Variants in ME3 observed in about 807,000 individuals in gnomAD.
The protein encoded by ME3 is NADP-dependent malic enzyme, mitochondrial.
ME3 carries 48 observed loss-of-function variants against 68.9 expected under a neutral mutation model. That is an observed-to-expected ratio of 0.70 (90% CI 0.55 to 0.89). The LOEUF (loss-of-function observed/expected upper bound fraction) is 0.89. ME3 is among the 40% of genes least tolerant of loss of function. ME3 has a pLI of 0.00. For synonymous variants in ME3, 320 were observed against 318.8 expected (o/e 1.00, Z -0.04); for missense variants, 675 against 797.4 (o/e 0.85, Z 1.85).
At chr11:86,644,354 A>G (rs905259940) in intron 2 of ME3, among the ~76,000 whole-genome samples, 1 of 152,188 alleles carries the variant, frequency 6.6e-6, no homozygotes, top group Admixed American at 6.5e-5. Flanking sequence ...GACTAATGTA[A>G]GTCAAAAGCA....
At chr11:86,475,565 A>C (rs1004074448) in intron 7 of ME3, among the ~76,000 whole-genome samples, 1 of 152,140 alleles carries the variant, frequency 6.6e-6, no homozygotes, top group Non-Finnish European at 1.5e-5. Context: ...TATAGCCTGA[A>C]TGAAAATTTG....
At chr11:86,610,090 A>G (rs1414123193) in intron 2 of ME3, among the ~76,000 whole-genome samples, 1 of 152,316 alleles carries the variant, frequency 6.6e-6, no homozygotes, top group East Asian at 1.9e-4. Context: ...ACATATGCCA[A>G]AAGGCTATAC....
chr11:86,630,467 C>T (rs1003966664), intron 2 of ME3, among the ~76,000 whole-genome samples: 14 of 152,130 alleles, frequency 9.2e-5, no homozygotes, highest in East Asian at 7.7e-4. Context: ...AACAGAGCAC[C>T]GGGAATGTGT....
intron 2 of ME3, among the ~76,000 whole-genome samples, chr11:86,571,780 G>A (rs1032148748): frequency 3.4e-4 from 52 of 152,240 alleles, no homozygotes; most frequent in Admixed American, 3.3e-3. Context: ...TGTGGAGTAA[G>A]CTGGGGAGGG....
At chr11:86,669,377 C>G (rs1313244672) in intron 2 of ME3, among the ~76,000 whole-genome samples, 1 of 152,160 alleles carries the variant, frequency 6.6e-6, no homozygotes, top group African/African-American at 2.4e-5. Context: ...GGTTCTTACA[C>G]GGCTGTGAAG....
At chr11:86,527,792 G>A (rs1035576323) in intron 4 of ME3, among the ~76,000 whole-genome samples, 1 of 152,152 alleles carries the variant, frequency 6.6e-6, no homozygotes. Flanking sequence ...ATACTTCATA[G>A]ACAAGCAAAT....
chr11:86,664,539 C>T (rs924344624), intron 2 of ME3, among the ~76,000 whole-genome samples: 8 of 152,176 alleles, frequency 5.3e-5, no homozygotes, highest in African/African-American at 1.4e-4. Flanking sequence ...TCTTGTGTTC[C>T]GGGCACCCCA....
intron 2 of ME3, among the ~76,000 whole-genome samples, chr11:86,572,815 A>G (rs1421913104): frequency 6.6e-6 from 1 of 152,228 alleles, no homozygotes; most frequent in East Asian, 1.9e-4. Flanking sequence ...TTGCTGGGTC[A>G]AATGGTATTT....
intron 2 of ME3, among the ~76,000 whole-genome samples, chr11:86,607,080 G>C (rs544173625): frequency 2.0e-5 from 3 of 152,148 alleles, no homozygotes; most frequent in Non-Finnish European, 2.9e-5. Flanking sequence ...TGTTGATCTG[G>C]ATAGAGGTAC....
intron 2 of ME3, among the ~76,000 whole-genome samples, chr11:86,669,002 T>C (rs1245148748): frequency 6.6e-6 from 1 of 152,228 alleles, no homozygotes; most frequent in African/African-American, 2.4e-5. Flanking sequence ...GCTTCCTCAG[T>C]AATAACCTCA....
chr11:86,589,064 A>C (rs1958903108), intron 2 of ME3, among the ~76,000 whole-genome samples: 1 of 152,188 alleles, frequency 6.6e-6, no homozygotes, highest in Non-Finnish European at 1.5e-5. Context: ...TTCCTTTAGC[A>C]GCAGTGGGGT....
chr11:86,488,425 C>A (rs1307059994), intron 6 of ME3, among the ~76,000 whole-genome samples: 1 of 151,994 alleles, frequency 6.6e-6, no homozygotes, highest in African/African-American at 2.4e-5. Context: ...TGAAATCTTA[C>A]TGAATACCTA....
At chr11:86,478,613 CTCACTACA>C (rs1426618637) in intron 7 of ME3, among the ~76,000 whole-genome samples, 6 of 152,198 alleles carry the variant, frequency 3.9e-5, no homozygotes, top group African/African-American at 1.4e-4. Context: ...CTCCCTATTG[CTCACTACA>C]TCAAGTCTCA....
chr11:86,463,741 A>G (rs146033159), intron 8 of ME3, among the ~76,000 whole-genome samples: 3 of 152,340 alleles, frequency 2.0e-5, no homozygotes, highest in East Asian at 1.9e-4. Flanking sequence ...AAAGTCGTCT[A>G]TCACATTTCT....
intron 2 of ME3, among the ~76,000 whole-genome samples, chr11:86,644,185 T>G (rs1258517896): frequency 2.0e-5 from 3 of 152,046 alleles, no homozygotes; most frequent in Non-Finnish European, 2.9e-5. Flanking sequence ...ACCTTCTAAC[T>G]CTATTTCTAA....
At chr11:86,555,430 C>G (rs1026493488) in intron 4 of ME3, among the ~76,000 whole-genome samples, 2 of 152,200 alleles carry the variant, frequency 1.3e-5, no homozygotes, top group Non-Finnish European at 2.9e-5. Flanking sequence ...GAACAGGAGT[C>G]TCCTTCCTGT....
chr11:86,593,947 A>G (rs1959176009), intron 2 of ME3, among the ~76,000 whole-genome samples: 1 of 146,334 alleles, frequency 6.8e-6, no homozygotes, highest in African/African-American at 2.5e-5. Flanking sequence ...TTTGTTTCTG[A>G]TTTTTCTTCA....
At chr11:86,515,837 T>C (rs761227340) in intron 4 of ME3, among the ~76,000 whole-genome samples, 1 of 152,022 alleles carries the variant, frequency 6.6e-6, no homozygotes, top group Non-Finnish European at 1.5e-5. Context: ...ATGTTTAAAG[T>C]GGTATTATCC....
chr11:86,442,776 G>T (rs1173448634), intron 14 of ME3, 45 bp downstream of exon 14: 1 of 1,478,878 alleles, frequency 6.8e-7, no homozygotes, highest in Admixed American at 1.7e-5. Context: ...CAGAGAAAGT[G>T]GTTGAGCCTC....
Sources: gnomAD v4.1 joint callset for allele counts (sites outside exome capture counted in the v4.1 genomes callset) on GRCh38, gnomAD v4.1.1 for gene constraint, MANE v1.5 for transcripts, NCBI Gene and HGNC (gene_info 2026-07-23, HGNC 2026-07-21) for gene names.